The following STOX2 variants were observed in gnomAD, a reference collection of about 807,000 sequenced individuals.
The protein encoded by STOX2 is storkhead-box protein 2.
Under a neutral mutation model 60.9 loss-of-function variants are expected in STOX2, and 28 were observed. That is an observed-to-expected ratio of 0.46 (90% CI 0.34 to 0.63). The LOEUF (loss-of-function observed/expected upper bound fraction) is 0.63. STOX2 is among the 30% of genes least tolerant of loss of function. The pLI is 0.01. For missense variants in STOX2, 1,024 were observed against 1,187.7 expected (o/e 0.86, Z 2.03); for synonymous variants, 472 against 463.9 (o/e 1.02, Z -0.22).
In STOX2 at chr4:183,990,578, A is replaced by ATTTTTTTTTTTTTTT. The variant is rs57369052; in HGVS notation, c.167-10724_167-10710dup. On this transcript the variant is annotated intron_variant, in intron 1 of 3. Coordinates refer to ENST00000308497, the MANE Select transcript of STOX2 (RefSeq NM_020225.3). ...GAAGAGGGGCAGTTTAAAAAGCAGG[A>ATTTTTTTTTTTTTTT]TTTTTTTTTTTTTTTTTTTTTTTTT... 7.3e-5 allele frequency among the ~76,000 whole-genome samples: 6 copies of ATTTTTTTTTTTTTTT among 82,484 alleles called. 1 individual carries two copies. Among genetic ancestry groups the ATTTTTTTTTTTTTTT allele is most frequent in the East Asian group, 4.2e-4 (1 of 2,394 alleles). The allele number at this position is 82,484 out of a possible 152,430, so 54.1% of individuals were successfully genotyped here. A position where few individuals can be genotyped will look rare whatever the true frequency, so the allele number is the denominator to read the frequency against.
chr4:183,860,739 T>G (rs6829659), intron 1 of STOX2, among the ~76,000 whole-genome samples: 144,094 of 152,240 alleles, frequency 0.95, 68,308 homozygotes, highest in Admixed American at 0.97. Context: ...TTGATAATGT[T>G]TGTGGCTGTC....
At chr4:184,013,088 C>A (rs953246726) in intron 3 of STOX2, among the ~76,000 whole-genome samples, 8 of 152,242 alleles carry the variant, frequency 5.3e-5, no homozygotes, top group Non-Finnish European at 4.4e-5. Flanking sequence ...TTCACATGCT[C>A]GTTTTAAACC....
chr4:183,805,090 C>T (rs1471559709), intron 1 of STOX2, among the ~76,000 whole-genome samples: 2 of 152,086 alleles, frequency 1.3e-5, no homozygotes. Context: ...GGTAAAAACC[C>T]GGGAAAGTTC....
intron 1 of STOX2, among the ~76,000 whole-genome samples, chr4:183,975,623 A>G (rs943030851): frequency 6.6e-6 from 1 of 152,164 alleles, no homozygotes; most frequent in African/African-American, 2.4e-5. Flanking sequence ...ACCCCAAAAT[A>G]TCCCTTTATA....
chr4:183,816,296 A>G (rs1739151221), intron 1 of STOX2, among the ~76,000 whole-genome samples: 1 of 152,244 alleles, frequency 6.6e-6, no homozygotes, highest in African/African-American at 2.4e-5. Context: ...GGATTAGATA[A>G]AGCATGGAAT....
At chr4:183,939,857 G>A (rs1742702705) in intron 1 of STOX2, among the ~76,000 whole-genome samples, 1 of 152,146 alleles carries the variant, frequency 6.6e-6, no homozygotes, top group Non-Finnish European at 1.5e-5. Flanking sequence ...TGACCAGTGT[G>A]ATAGATACAT....
intron 1 of STOX2, among the ~76,000 whole-genome samples, chr4:183,818,002 A>G (rs960382262): frequency 2.6e-5 from 4 of 151,852 alleles, no homozygotes; most frequent in African/African-American, 9.7e-5. Context: ...GTGAGCAAGC[A>G]CCCTCAGCAT....
intron 1 of STOX2, among the ~76,000 whole-genome samples, chr4:183,820,407 C>T (rs1265572389): frequency 2.0e-5 from 3 of 152,162 alleles, no homozygotes; most frequent in South Asian, 2.1e-4. Context: ...ATGTCATTGT[C>T]AGGTGACAAA....
intron 1 of STOX2, among the ~76,000 whole-genome samples, chr4:183,842,591 A>C (rs1389864188): frequency 6.6e-6 from 1 of 152,182 alleles, no homozygotes; most frequent in African/African-American, 2.4e-5. Flanking sequence ...CCGTGTGCAC[A>C]TGGGGTTAAG....
intron 1 of STOX2, among the ~76,000 whole-genome samples, chr4:183,867,416 G>A (rs1337592754): frequency 1.3e-5 from 2 of 152,162 alleles, no homozygotes; most frequent in African/African-American, 4.8e-5. Context: ...GGCCAAGATC[G>A]GGACACAGCA....
At chr4:183,905,192 T>C (rs1404468129), upstream of STOX2, among the ~76,000 whole-genome samples, 1 of 152,226 alleles carries the variant, frequency 6.6e-6, no homozygotes, top group African/African-American at 2.4e-5. Flanking sequence ...CGGCGTGACC[T>C]CCGGGTCCCA....
At chr4:183,884,593 G>C (rs955017326) in intron 1 of STOX2, among the ~76,000 whole-genome samples, 1 of 152,162 alleles carries the variant, frequency 6.6e-6, no homozygotes, top group African/African-American at 2.4e-5. Context: ...GGATCCTTTT[G>C]TGAAGGCGTT....
intron 1 of STOX2, among the ~76,000 whole-genome samples, chr4:183,890,840 G>T: frequency 6.6e-6 from 1 of 152,206 alleles, no homozygotes. Flanking sequence ...GGTTGCGGTG[G>T]CTCATGCCTG....
chr4:183,950,097 C>T (rs1285943987), intron 1 of STOX2, among the ~76,000 whole-genome samples: 1 of 152,244 alleles, frequency 6.6e-6, no homozygotes, highest in African/African-American at 2.4e-5. Context: ...AACTGCATTA[C>T]ACTCTTATTA....
At chr4:183,907,016 C>T in intron 1 of STOX2, 60 bp downstream of exon 1, 3 of 1,416,026 alleles carry the variant, frequency 2.1e-6, no homozygotes, top group Non-Finnish European at 2.8e-6. Context: ...CTCGGTACGC[C>T]GCGGCCCGGG....
intron 1 of STOX2, among the ~76,000 whole-genome samples, chr4:183,861,945 C>G (rs1195523428): frequency 6.6e-6 from 1 of 152,094 alleles, no homozygotes; most frequent in African/African-American, 2.4e-5. Flanking sequence ...TCACAGGAGC[C>G]TCATCCCTCC....
chr4:183,917,951 GT>G (rs1741979527), intron 1 of STOX2, among the ~76,000 whole-genome samples: 1 of 152,216 alleles, frequency 6.6e-6, no homozygotes. Flanking sequence ...GTTGTTAAAC[GT>G]GGATTAAATG....
chr4:183,882,668 T>G (rs1437574728), intron 1 of STOX2, among the ~76,000 whole-genome samples: 1 of 152,230 alleles, frequency 6.6e-6, no homozygotes, highest in Non-Finnish European at 1.5e-5. Flanking sequence ...GGTTACACTT[T>G]TGCTGCTTCC....
chr4:183,959,410 CA>C, intron 1 of STOX2, among the ~76,000 whole-genome samples: 1 of 152,284 alleles, frequency 6.6e-6, no homozygotes, highest in South Asian at 2.1e-4. Flanking sequence ...ATTTATTTCT[CA>C]TGCTTTGGTA....
Sources: allele counts gnomAD v4.1 joint callset (sites outside exome capture counted in the v4.1 genomes callset), GRCh38; gene constraint gnomAD v4.1.1; transcripts MANE v1.5; gene names NCBI Gene and HGNC (gene_info 2026-07-23, HGNC 2026-07-21).